Variants in GULP1 observed in about 807,000 individuals in gnomAD.
GULP1 encodes PTB domain-containing engulfment adapter protein 1.
In GULP1, 19 loss-of-function variants were observed where a neutral mutation model predicts 40.9. That is an observed-to-expected ratio of 0.46 (90% confidence interval 0.32 to 0.68). The LOEUF (loss-of-function observed/expected upper bound fraction) is 0.68. Among genes scored for constraint, GULP1 ranks in the 30% least tolerant of loss-of-function variants. The pLI is 0.03. For missense variants in GULP1, 312 were observed against 362.2 expected (o/e 0.86, Z 1.12); for synonymous variants, 119 against 117.6 (o/e 1.01, Z -0.08).
intron 2 of GULP1, among the ~76,000 whole-genome samples, chr2:188,455,870 C>T (rs532363191): frequency 6.6e-6 from 1 of 152,230 alleles, no homozygotes; most frequent in African/African-American, 2.4e-5. Flanking sequence ...GCCATATGGA[C>T]AATAAAGTCC....
intron 1 of GULP1, among the ~76,000 whole-genome samples, chr2:188,351,823 C>A (rs957806341): frequency 6.6e-6 from 1 of 152,138 alleles, no homozygotes; most frequent in Non-Finnish European, 1.5e-5. Flanking sequence ...GTACATACTT[C>A]TCGTATTAAA....
At chr2:188,339,640 C>T (rs1372320012) in intron 1 of GULP1, among the ~76,000 whole-genome samples, 2 of 152,150 alleles carry the variant, frequency 1.3e-5, no homozygotes, top group Admixed American at 6.5e-5. Context: ...GCCTGTAGAA[C>T]CATTAGCCAA....
chr2:188,338,814 A>T, intron 1 of GULP1, among the ~76,000 whole-genome samples: 1 of 152,168 alleles, frequency 6.6e-6, no homozygotes, highest in East Asian at 1.9e-4. Context: ...TCTCAGAAGA[A>T]TTGTTAAAAA....
Position 188,528,503 on chromosome 2 carries a change from G to GA in GULP1, c.163-584dup, listed in dbSNP as rs922084946. ...TAATAAATACTACTATGAAAGTATT[G>GA]AAAAAAAAAACTGTGCTTTCAAGAT... is the stretch of plus-strand genomic sequence containing the variant. On this transcript the variant is annotated intron_variant, in intron 5 of 11. Coordinates refer to ENST00000409830, the MANE Select transcript of GULP1 (RefSeq NM_016315.4). Among the ~76,000 whole-genome samples, 280 of 146,690 alleles carry GA rather than the reference G, an allele frequency of 1.9e-3. 2 individuals carry two copies. The highest frequency in any genetic ancestry group is 6.0e-3 in the African/African-American group (241 of 40,108).
chr2:188,299,753 G>A (rs905685985), intron 1 of GULP1, among the ~76,000 whole-genome samples: 2 of 152,170 alleles, frequency 1.3e-5, no homozygotes, highest in Non-Finnish European at 2.9e-5. Flanking sequence ...GGGGAAAGCG[G>A]GTATTCACCA....
At chr2:188,317,054 G>A (rs570448084) in intron 1 of GULP1, among the ~76,000 whole-genome samples, 60 of 152,216 alleles carry the variant, frequency 3.9e-4, no homozygotes, top group Non-Finnish European at 7.5e-4. Flanking sequence ...CCCTTCCTCT[G>A]TTACCTGAGT....
At chr2:188,338,632 G>T (rs963045842) in intron 1 of GULP1, among the ~76,000 whole-genome samples, 2 of 152,040 alleles carry the variant, frequency 1.3e-5, no homozygotes, top group African/African-American at 4.8e-5. Context: ...TGTCTGTTTA[G>T]TAATAATACT....
chr2:188,522,335 T>C (rs542395702), intron 4 of GULP1, among the ~76,000 whole-genome samples: 1 of 152,164 alleles, frequency 6.6e-6, no homozygotes, highest in Admixed American at 6.5e-5. Context: ...AAAAAGAAAT[T>C]GTAAACTTTG....
intron 2 of GULP1, among the ~76,000 whole-genome samples, chr2:188,423,460 C>A (rs990592081): frequency 1.3e-5 from 2 of 151,646 alleles, no homozygotes. Flanking sequence ...ATTATATATG[C>A]CTTCATTATT....
At chr2:188,541,633 T>C in intron 7 of GULP1, 1 of 516,308 alleles carries the variant, frequency 1.9e-6, no homozygotes, top group South Asian at 2.9e-5. Flanking sequence ...TAAACTCAAA[T>C]ATGATTTAGT....
chr2:188,405,285 GC>G (rs1195132430), intron 2 of GULP1, among the ~76,000 whole-genome samples: 1 of 151,876 alleles, frequency 6.6e-6, no homozygotes, highest in Non-Finnish European at 1.5e-5. Flanking sequence ...CATGATCTCA[GC>G]CCCCTGATTG....
intron 2 of GULP1, among the ~76,000 whole-genome samples, chr2:188,400,700 A>G (rs1283613892): frequency 6.6e-6 from 1 of 152,208 alleles, no homozygotes; most frequent in Non-Finnish European, 1.5e-5. Context: ...GATATTCTAT[A>G]GTAATTTAGG....
intron 7 of GULP1, among the ~76,000 whole-genome samples, chr2:188,563,321 G>A (rs550290235): frequency 6.6e-6 from 1 of 151,762 alleles, no homozygotes; most frequent in Admixed American, 6.6e-5. Flanking sequence ...AATAGTGGAT[G>A]TAGCTGCAGA....
At chr2:188,550,829 G>T (rs540705247) in intron 7 of GULP1, among the ~76,000 whole-genome samples, 17 of 151,324 alleles carry the variant, frequency 1.1e-4, no homozygotes, top group Non-Finnish European at 1.9e-4. Context: ...CATGATTGAG[G>T]GAGAGCTAAT....
At chr2:188,539,093 T>C (rs1227017743) in intron 6 of GULP1, among the ~76,000 whole-genome samples, 3 of 152,068 alleles carry the variant, frequency 2.0e-5, no homozygotes, top group African/African-American at 7.2e-5. Flanking sequence ...GTCCTTTCCC[T>C]TTCTGCTTTT....
chr2:188,552,602 G>C (rs1020643421), intron 7 of GULP1, among the ~76,000 whole-genome samples: 1 of 151,488 alleles, frequency 6.6e-6, no homozygotes, highest in African/African-American at 2.4e-5. Flanking sequence ...CTCCAGCTTG[G>C]CTCTTTTTGC....
chr2:188,348,470 C>T (rs1391373581), intron 1 of GULP1, among the ~76,000 whole-genome samples: 3 of 152,128 alleles, frequency 2.0e-5, no homozygotes, highest in Non-Finnish European at 2.9e-5. Flanking sequence ...GCTGATATTA[C>T]TCAGTGTTCC....
intron 4 of GULP1, among the ~76,000 whole-genome samples, chr2:188,487,734 CAAG>C (rs1179752567): frequency 6.6e-6 from 1 of 151,816 alleles, no homozygotes; most frequent in African/African-American, 2.4e-5. Context: ...ATACAAATGT[CAAG>C]GAGAGGTTTA....
At chr2:188,352,060 C>G (rs890573107) in intron 1 of GULP1, among the ~76,000 whole-genome samples, 1 of 152,132 alleles carries the variant, frequency 6.6e-6, no homozygotes, top group Non-Finnish European at 1.5e-5. Flanking sequence ...TCACTTTTCA[C>G]TTTCAGATGT....
Sources: gnomAD v4.1 joint callset for allele counts (sites outside exome capture counted in the v4.1 genomes callset) on GRCh38, gnomAD v4.1.1 for gene constraint, MANE v1.5 for transcripts, NCBI Gene and HGNC (gene_info 2026-07-23, HGNC 2026-07-21) for gene names.